Variants in ENPP6 observed in about 807,000 individuals in gnomAD.
ENPP6 encodes ectonucleotide pyrophosphatase/phosphodiesterase 6, also known as glycerophosphocholine cholinephosphodiesterase ENPP6.
ENPP6 carries 32 observed loss-of-function variants against 42.0 expected under a neutral mutation model. The observed-to-expected ratio is 0.76, with a 90% CI of 0.58 to 1.02. The LOEUF is 1.02. Among genes scored for constraint, ENPP6 ranks in the 50% least tolerant of loss-of-function variants. The pLI, the probability that ENPP6 is intolerant of heterozygous loss-of-function variation, is 0.00. For missense variants in ENPP6, 552 were observed against 566.8 expected (o/e 0.97, Z 0.27); for synonymous variants, 213 against 216.0 (o/e 0.99, Z 0.12).
intron 2 of ENPP6, among the ~76,000 whole-genome samples, chr4:184,139,387 G>A (rs567299599): frequency 3.4e-5 from 5 of 148,768 alleles, no homozygotes; most frequent in Non-Finnish European, 5.9e-5. Flanking sequence ...TTAAGTTTTC[G>A]GGTACATGTG....
At chr4:184,198,860 T>G (rs1157554926) in intron 1 of ENPP6, among the ~76,000 whole-genome samples, 1 of 152,228 alleles carries the variant, frequency 6.6e-6, no homozygotes, top group Non-Finnish European at 1.5e-5. Context: ...GTCTCTCATC[T>G]GTCCAGTTGC....
In ENPP6 at chr4:184,126,363, A is replaced by G. The variant is rs78986727; in HGVS notation, c.422-2091T>C. ...ATTGATTAATTACATGTAAAATTCT[A>G]CAGTACAGGTAGAGGCAGTATGTGT... is the stretch of plus-strand genomic sequence containing the variant. On this transcript the variant is annotated intron_variant, in intron 2 of 7. Coordinates refer to ENST00000296741, the MANE Select transcript of ENPP6 (RefSeq NM_153343.4). 2.7e-3 allele frequency among the ~76,000 whole-genome samples: 415 copies of G among 152,314 alleles called. 8 individuals are homozygous for G. The East Asian group carries it at 0.056, about 21-fold the overall frequency.
chr4:184,198,289 C>T (rs778258083), intron 1 of ENPP6, among the ~76,000 whole-genome samples: 3 of 152,226 alleles, frequency 2.0e-5, no homozygotes, highest in Admixed American at 2.0e-4. Context: ...TCTGAGTAAG[C>T]ACTGGTCCCC....
intron 5 of ENPP6, among the ~76,000 whole-genome samples, chr4:184,113,959 CTT>C (rs1320493422): frequency 8.5e-5 from 11 of 128,892 alleles, no homozygotes; most frequent in African/African-American, 2.9e-4. Context: ...TTCTTTCTTT[CTT>C]TCTCTCTTTC....
intron 1 of ENPP6, among the ~76,000 whole-genome samples, chr4:184,185,791 A>G (rs763709836): frequency 2.6e-5 from 4 of 152,254 alleles, no homozygotes; most frequent in Non-Finnish European, 4.4e-5. Flanking sequence ...GCAAAGGAAC[A>G]TGGCAACCAA....
At chr4:184,119,883 T>G (rs7675696) in intron 3 of ENPP6, among the ~76,000 whole-genome samples, 46,424 of 152,130 alleles carry the variant, frequency 0.31, 9,088 homozygotes, top group Non-Finnish European at 0.45. Flanking sequence ...CCTTCTGCCA[T>G]GATTGTAAGT....
At chr4:184,142,345 C>G (rs1050413115) in intron 2 of ENPP6, among the ~76,000 whole-genome samples, 6 of 152,248 alleles carry the variant, frequency 3.9e-5, no homozygotes, top group African/African-American at 1.2e-4. Flanking sequence ...CTCAAGAGAG[C>G]TTATTAAAAC....
chr4:184,215,841 G>T (rs1425094176), intron 1 of ENPP6, among the ~76,000 whole-genome samples: 1 of 152,152 alleles, frequency 6.6e-6, no homozygotes, highest in Non-Finnish European at 1.5e-5. Context: ...CTTCTCTCAG[G>T]ACAGCACAAG....
intron 2 of ENPP6, among the ~76,000 whole-genome samples, chr4:184,133,416 T>G (rs577813913): frequency 6.6e-6 from 1 of 152,214 alleles, no homozygotes; most frequent in Non-Finnish European, 1.5e-5. Context: ...GACCTTTTAA[T>G]TTTTTCTCAG....
At chr4:184,149,954 C>T (rs919427762) in intron 2 of ENPP6, among the ~76,000 whole-genome samples, 2 of 152,008 alleles carry the variant, frequency 1.3e-5, no homozygotes, top group African/African-American at 2.4e-5. Flanking sequence ...GAGTCTTTTC[C>T]TCACCGCCCC....
At chr4:184,161,457 T>C (rs766316273) in intron 1 of ENPP6, among the ~76,000 whole-genome samples, 2 of 152,220 alleles carry the variant, frequency 1.3e-5, no homozygotes, top group Non-Finnish European at 2.9e-5. Flanking sequence ...GTACAGCCAC[T>C]GTGGAAAAGT....
intron 7 of ENPP6, among the ~76,000 whole-genome samples, chr4:184,092,374 AG>A (rs1437025505): frequency 1.3e-5 from 2 of 152,176 alleles, no homozygotes; most frequent in Non-Finnish European, 2.9e-5. Context: ...TATCTGAATC[AG>A]GGATCCATGT....
At chr4:184,117,549 G>A (rs916693513) in intron 4 of ENPP6, among the ~76,000 whole-genome samples, 2 of 152,240 alleles carry the variant, frequency 1.3e-5, no homozygotes, top group Non-Finnish European at 2.9e-5. Flanking sequence ...GCACACCTAG[G>A]TCAGTCTCTC....
intron 1 of ENPP6, among the ~76,000 whole-genome samples, chr4:184,156,157 G>A (rs1345106087): frequency 2.6e-5 from 4 of 152,192 alleles, no homozygotes; most frequent in African/African-American, 9.7e-5. Context: ...TCTTTTGGTG[G>A]ATTGGGCCCT....
intron 2 of ENPP6, among the ~76,000 whole-genome samples, chr4:184,148,900 G>A (rs895151563): frequency 6.6e-6 from 1 of 152,236 alleles, no homozygotes; most frequent in African/African-American, 2.4e-5. Flanking sequence ...GAGAACAAAA[G>A]TGTGAGTGTA....
At chr4:184,166,966 C>T (rs915066762) in intron 1 of ENPP6, among the ~76,000 whole-genome samples, 10 of 152,202 alleles carry the variant, frequency 6.6e-5, no homozygotes, top group East Asian at 1.9e-4. Flanking sequence ...TGTCTCTTTC[C>T]GTGTCTTGAC....
intron 1 of ENPP6, among the ~76,000 whole-genome samples, chr4:184,197,515 G>A (rs756272647): frequency 3.2e-4 from 48 of 152,356 alleles, no homozygotes; most frequent in Non-Finnish European, 5.3e-4. Flanking sequence ...GATGCCAGAT[G>A]CTGGCCCCGG....
intron 1 of ENPP6, among the ~76,000 whole-genome samples, chr4:184,187,702 C>T (rs960497957): frequency 9.2e-5 from 14 of 151,882 alleles, no homozygotes; most frequent in African/African-American, 2.9e-4. Context: ...TTATTACCAC[C>T]TGACATTGTT....
intron 2 of ENPP6, among the ~76,000 whole-genome samples, chr4:184,149,188 G>A (rs972048246): frequency 2.0e-5 from 3 of 152,158 alleles, no homozygotes; most frequent in Non-Finnish European, 4.4e-5. Flanking sequence ...CATAGAGGCC[G>A]TGACTTAGCT....
Sources: gnomAD v4.1 joint callset for allele counts (sites outside exome capture counted in the v4.1 genomes callset) on GRCh38, gnomAD v4.1.1 for gene constraint, MANE v1.5 for transcripts, NCBI Gene and HGNC (gene_info 2026-07-23, HGNC 2026-07-21) for gene names.